MXI1: variants seen among roughly 807,000 people sequenced by gnomAD.
MXI1 encodes the protein max-interacting protein 1.
A neutral mutation model predicts 36.9 loss-of-function variants in MXI1; 18 were observed. That is an observed-to-expected ratio of 0.49 (90% CI 0.34 to 0.72). MXI1 has a LOEUF of 0.72. Ranked by LOEUF, MXI1 falls within the 30% of genes least tolerant of loss-of-function variation. The pLI, the probability that MXI1 is intolerant of heterozygous loss-of-function variation, is 0.01. For missense variants in MXI1, 304 were observed against 379.1 expected (o/e 0.80, Z 1.64); for synonymous variants, 160 against 146.7 (o/e 1.09, Z -0.65).
chr10:110,279,447 G>A (rs892846312), intron 4 of MXI1, among the ~76,000 whole-genome samples, 153 bp downstream of exon 4: 1 of 152,198 alleles, frequency 6.6e-6, no homozygotes, highest in Non-Finnish European at 1.5e-5. Flanking sequence ...CAGCTAATCT[G>A]ATGGGAACAA....
intron 3 of MXI1, among the ~76,000 whole-genome samples, chr10:110,277,341 A>G (rs1857070098): frequency 6.6e-6 from 1 of 152,128 alleles, no homozygotes; most frequent in Non-Finnish European, 1.5e-5. Context: ...CTTTGTTTCC[A>G]CGCTCCAGTC....
At chr10:110,236,043 T>TATA (rs1855456699) in intron 2 of MXI1, among the ~76,000 whole-genome samples, 1 of 151,684 alleles carries the variant, frequency 6.6e-6, no homozygotes. Flanking sequence ...TCTAGCAGTT[T>TATA]ATAATATTAG....
At chr10:110,240,380 T>A (rs1013344095) in intron 2 of MXI1, among the ~76,000 whole-genome samples, 3 of 152,038 alleles carry the variant, frequency 2.0e-5, no homozygotes, top group African/African-American at 7.2e-5. Context: ...GTGCATCCTG[T>A]TTAGATACTT....
chr10:110,221,130 A>T (rs1333755169), intron 1 of MXI1, among the ~76,000 whole-genome samples: 2 of 152,206 alleles, frequency 1.3e-5, no homozygotes, highest in Non-Finnish European at 2.9e-5. Context: ...TTGGGGAAGA[A>T]TGAACCATAA....
chr10:110,208,258 A>T, intron 1 of MXI1, 176 bp downstream of exon 1: 1 of 601,168 alleles, frequency 1.7e-6, no homozygotes, highest in African/African-American at 2.0e-5. Flanking sequence ...GCTGCTAAAG[A>T]TGTAACAAAG....
chr10:110,273,787 G>C (rs1460477451), intron 3 of MXI1, among the ~76,000 whole-genome samples: 1 of 152,152 alleles, frequency 6.6e-6, no homozygotes, highest in African/African-American at 2.4e-5. Context: ...GTAAAGTCTA[G>C]GTATCCTATA....
chr10:110,277,858 A>G (rs1857092101), intron 3 of MXI1, among the ~76,000 whole-genome samples: 1 of 152,194 alleles, frequency 6.6e-6, no homozygotes, highest in Non-Finnish European at 1.5e-5. Context: ...TTGGCTGCTT[A>G]TTGCCTTCTC....
intron 3 of MXI1, among the ~76,000 whole-genome samples, chr10:110,247,896 G>T (rs1359168578): frequency 6.6e-6 from 1 of 152,126 alleles, no homozygotes; most frequent in Admixed American, 6.5e-5. Flanking sequence ...ACATGCACAC[G>T]TATGTTTATT....
chr10:110,229,688 G>T (rs1855192801), intron 2 of MXI1, among the ~76,000 whole-genome samples: 2 of 152,166 alleles, frequency 1.3e-5, no homozygotes, highest in African/African-American at 4.8e-5. Context: ...TGGGTCTAGA[G>T]ATTTTGTTGT....
chr10:110,217,484 G>T, intron 1 of MXI1, among the ~76,000 whole-genome samples: 1 of 152,100 alleles, frequency 6.6e-6, no homozygotes. Flanking sequence ...TTCTACAGGG[G>T]CCCAGAACTA....
At chr10:110,215,365 G>A (rs1854611824) in intron 1 of MXI1, among the ~76,000 whole-genome samples, 1 of 152,084 alleles carries the variant, frequency 6.6e-6, no homozygotes. Context: ...AAGGAGGCAG[G>A]TATTAGCACA....
intron 3 of MXI1, among the ~76,000 whole-genome samples, chr10:110,246,243 A>G (rs544304414): frequency 6.6e-6 from 1 of 152,212 alleles, no homozygotes; most frequent in Admixed American, 6.5e-5. Context: ...GGATCACTTG[A>G]GCCCAGGAGT....
intron 3 of MXI1, among the ~76,000 whole-genome samples, chr10:110,268,653 A>G (rs1856760351): frequency 6.6e-6 from 1 of 152,146 alleles, no homozygotes; most frequent in South Asian, 2.1e-4. Flanking sequence ...TTTCTGCCTT[A>G]TCAGAGGAGG....
At chr10:110,208,932 C>T (rs541315637) in intron 1 of MXI1, among the ~76,000 whole-genome samples, 1 of 152,260 alleles carries the variant, frequency 6.6e-6, no homozygotes, top group Non-Finnish European at 1.5e-5. Context: ...TTCCGGGAGA[C>T]GGCTCTTGAG....
At chr10:110,225,164 T>C (rs554206961) in intron 1 of MXI1, among the ~76,000 whole-genome samples, 25 of 152,162 alleles carry the variant, frequency 1.6e-4, no homozygotes, top group Non-Finnish European at 2.9e-4. Context: ...GCAAACTAAG[T>C]CTAGTACAGT....
intron 1 of MXI1, among the ~76,000 whole-genome samples, chr10:110,218,531 T>C (rs111614109): frequency 0.053 from 7,985 of 152,060 alleles, 322 homozygotes; most frequent in Middle Eastern, 0.15. Context: ...TGGAGCGACT[T>C]CCTTTTCTCC....
rs377540830 is a variant in MXI1, at chr10:110,227,252, C to A, written c.275-937C>A. On this transcript the variant is annotated intron_variant, in intron 1 of 5. Coordinates refer to ENST00000332674, the MANE Select transcript of MXI1 (RefSeq NM_130439.3). ...AGGGATGGTGCGCGGGGGGGAGGGG[C>A]GTGTGCGGGAAGGGCGTGCGCGTGT... The A allele has an allele frequency of 4.5e-5, 29 of 649,180 alleles. No individual in the cohort carries two copies. The East Asian group carries it at 3.9e-3, about 87-fold the overall frequency. The allele number at this position is 649,180 out of a possible 1,614,324, so 40.2% of individuals were successfully genotyped here.
intron 1 of MXI1, among the ~76,000 whole-genome samples, chr10:110,217,758 C>A (rs759330848): frequency 6.6e-6 from 1 of 152,186 alleles, no homozygotes; most frequent in Non-Finnish European, 1.5e-5. Context: ...TCTTCTAGTT[C>A]AAATGATAGA....
intron 3 of MXI1, among the ~76,000 whole-genome samples, chr10:110,256,351 C>T (rs1856292679): frequency 6.6e-6 from 1 of 151,968 alleles, no homozygotes; most frequent in Admixed American, 6.6e-5. Flanking sequence ...TGCCTGTAAT[C>T]CCAGCACTTT....
Sources: gnomAD v4.1 joint callset for allele counts (sites outside exome capture counted in the v4.1 genomes callset) on GRCh38, gnomAD v4.1.1 for gene constraint, MANE v1.5 for transcripts, NCBI Gene and HGNC (gene_info 2026-07-23, HGNC 2026-07-21) for gene names.